The following CNTN4 variants were observed in gnomAD, a reference collection of about 807,000 sequenced individuals.
CNTN4 encodes the protein contactin 4.
Under a neutral mutation model 122.5 loss-of-function variants are expected in CNTN4, and 77 were observed. The ratio of observed to expected loss-of-function variants is 0.63; its 90% CI spans 0.52 to 0.76. The LOEUF is 0.76. Among genes scored for constraint, CNTN4 ranks in the 30% least tolerant of loss-of-function variants. CNTN4 has a pLI of 0.00. For synonymous variants in CNTN4, 512 were observed against 447.0 expected (o/e 1.15, Z -1.83); for missense variants, 1,256 against 1,259.1 (o/e 1.00, Z 0.04).
At chr3:2,588,582 G>A (rs1260047458) in intron 4 of CNTN4, among the ~76,000 whole-genome samples, 1 of 151,904 alleles carries the variant, frequency 6.6e-6, no homozygotes, top group Non-Finnish European at 1.5e-5. Context: ...GGCCAGACTG[G>A]TCTTGAATGC....
chr3:2,928,122 T>C (rs1035772377), intron 13 of CNTN4, among the ~76,000 whole-genome samples: 2 of 152,220 alleles, frequency 1.3e-5, no homozygotes, highest in African/African-American at 4.8e-5. Flanking sequence ...ATCTTCTTGT[T>C]CTTCAAGAGA....
intron 2 of CNTN4, among the ~76,000 whole-genome samples, chr3:2,260,252 C>T (rs1292131676): frequency 6.6e-6 from 1 of 151,980 alleles, no homozygotes; most frequent in African/African-American, 2.4e-5. Context: ...GGAGGGTGTC[C>T]TGCGCATTAT....
chr3:2,938,758 G>A (rs2094586940), intron 13 of CNTN4, among the ~76,000 whole-genome samples: 1 of 152,108 alleles, frequency 6.6e-6, no homozygotes, highest in Admixed American at 6.5e-5. Flanking sequence ...CTGATTTCAG[G>A]GCTGGGTTAG....
At chr3:2,358,127 C>A (rs2044951233) in intron 3 of CNTN4, among the ~76,000 whole-genome samples, 1 of 152,140 alleles carries the variant, frequency 6.6e-6, no homozygotes, top group African/African-American at 2.4e-5. Context: ...CTAACAATTT[C>A]TTCTAGCCTT....
intron 2 of CNTN4, among the ~76,000 whole-genome samples, chr3:2,252,324 C>A (rs1468219695): frequency 6.6e-6 from 1 of 151,834 alleles, no homozygotes; most frequent in African/African-American, 2.4e-5. Context: ...TTTTAAATCA[C>A]CTTTATTACA....
At chr3:2,149,521 A>C (rs1169650661) in intron 2 of CNTN4, among the ~76,000 whole-genome samples, 1 of 152,196 alleles carries the variant, frequency 6.6e-6, no homozygotes, top group Non-Finnish European at 1.5e-5. Flanking sequence ...GGAGACCTTC[A>C]TAGTTAGAAA....
Position 2,669,130 on chromosome 3 carries a change from C to T in CNTN4, c.56-67085C>T, listed in dbSNP as rs2150358226. Among the ~76,000 whole-genome samples the T allele has an allele frequency of 2.0e-5, 3 of 152,314 alleles. No individual in the cohort carries two copies. The South Asian group carries it at 6.2e-4, about 32-fold the overall frequency. On this transcript the variant is annotated intron_variant, in intron 4 of 24. Coordinates refer to ENST00000418658, the MANE Select transcript of CNTN4 (RefSeq NM_175607.3). ...TAAAACGAGTTAGGGAGGATTCCCT[C>T]TTTTTCTATTGATTGGAATAGTTTC... is the stretch of plus-strand genomic sequence containing the variant.
intron 2 of CNTN4, among the ~76,000 whole-genome samples, chr3:2,296,415 A>T (rs1273503505): frequency 6.6e-6 from 1 of 152,150 alleles, no homozygotes; most frequent in African/African-American, 2.4e-5. Flanking sequence ...TTGGATTCCT[A>T]GGTATTTTAT....
intron 18 of CNTN4, among the ~76,000 whole-genome samples, chr3:3,038,409 C>T (rs573512196): frequency 3.6e-4 from 55 of 152,266 alleles, no homozygotes; most frequent in Admixed American, 1.8e-3. Context: ...AGAAGCCATT[C>T]GCCCACCCCA....
chr3:2,868,200 A>C (rs1311254779), intron 8 of CNTN4, among the ~76,000 whole-genome samples: 1 of 152,208 alleles, frequency 6.6e-6, no homozygotes, highest in African/African-American at 2.4e-5. Context: ...GCACAGAACT[A>C]TATGTGAATT....
intron 4 of CNTN4, among the ~76,000 whole-genome samples, chr3:2,649,369 G>A (rs2083265816): frequency 6.6e-6 from 1 of 152,172 alleles, no homozygotes; most frequent in South Asian, 2.1e-4. Flanking sequence ...GGTTAATACA[G>A]CTGGTGACTT....
chr3:3,003,704 A>AAAAAC (rs1696289810), intron 14 of CNTN4, among the ~76,000 whole-genome samples: 1 of 139,976 alleles, frequency 7.1e-6, no homozygotes. Context: ...AAAAAAAAAA[A>AAAAAC]AAAAAAAAAA....
At chr3:2,900,100 T>C (rs545113728) in intron 10 of CNTN4, among the ~76,000 whole-genome samples, 45 of 152,322 alleles carry the variant, frequency 3.0e-4, no homozygotes, top group African/African-American at 1.1e-3. Flanking sequence ...GGCTGACAGG[T>C]CAGCATTTTC....
At chr3:2,228,055 T>TTTAAA (rs2039350796) in intron 2 of CNTN4, among the ~76,000 whole-genome samples, 1 of 151,874 alleles carries the variant, frequency 6.6e-6, no homozygotes, top group South Asian at 2.1e-4. Context: ...ACTAACAGAA[T>TTTAAA]TTAAGTAAAT....
Position 2,699,768 on chromosome 3 carries a change from A to G in CNTN4, c.56-36447A>G, listed in dbSNP as rs564147372. Among the ~76,000 whole-genome samples, 4 of 152,312 alleles carry G rather than the reference A, an allele frequency of 2.6e-5. No homozygotes were observed. In the South Asian group the frequency reaches 8.3e-4, roughly 32 times the overall value. ...TTGAGCAAACCTTGGACACTGAATC[A>G]TATTTGTTGCCTAAAGATATTAATG... On this transcript the variant is annotated intron_variant, in intron 4 of 24. Coordinates refer to ENST00000418658, the MANE Select transcript of CNTN4 (RefSeq NM_175607.3).
chr3:2,268,832 G>A (rs1429728013), intron 2 of CNTN4, among the ~76,000 whole-genome samples: 1 of 152,136 alleles, frequency 6.6e-6, no homozygotes, highest in Non-Finnish European at 1.5e-5. Flanking sequence ...TATGAGAGTG[G>A]AATCCTTGGT....
chr3:2,492,577 A>G (rs1408518300), intron 3 of CNTN4, among the ~76,000 whole-genome samples: 2 of 152,222 alleles, frequency 1.3e-5, no homozygotes, highest in Non-Finnish European at 2.9e-5. Flanking sequence ...ATTTACAGAT[A>G]CGTAGGTGAC....
chr3:2,877,239 C>A (rs1249703104), intron 8 of CNTN4, among the ~76,000 whole-genome samples: 3 of 152,190 alleles, frequency 2.0e-5, no homozygotes, highest in Non-Finnish European at 4.4e-5. Flanking sequence ...AGTGTGCCCC[C>A]ATTTGTGGGC....
chr3:2,674,977 G>T (rs1296556021), intron 4 of CNTN4, among the ~76,000 whole-genome samples: 1 of 152,086 alleles, frequency 6.6e-6, no homozygotes, highest in Middle Eastern at 3.2e-3. Context: ...GTGAGAACAC[G>T]TGGTATTTAT....
Sources: gnomAD v4.1 joint callset for allele counts (sites outside exome capture counted in the v4.1 genomes callset) on GRCh38, gnomAD v4.1.1 for gene constraint, MANE v1.5 for transcripts, NCBI Gene and HGNC (gene_info 2026-07-23, HGNC 2026-07-21) for gene names.